DPYD: variants seen among roughly 807,000 people sequenced by gnomAD.
The protein encoded by DPYD is dihydropyrimidine dehydrogenase, also known as dihydropyrimidine dehydrogenase [NADP(+)].
A neutral mutation model predicts 116.2 loss-of-function variants in DPYD; 109 were observed. The ratio of observed to expected loss-of-function variants is 0.94; its 90% CI spans 0.80 to 1.10. DPYD has a LOEUF of 1.10. Ranked by LOEUF, DPYD falls within the 50% of genes least tolerant of loss-of-function variation. The probability of loss-of-function intolerance (pLI) is 0.00; values close to 1 mark genes in which losing one functional copy is unlikely to be tolerated. For synonymous variants in DPYD, 440 were observed against 432.0 expected, an observed-to-expected ratio of 1.02 and a Z score of -0.23; for missense variants, 1,302 against 1,254.5, an observed-to-expected ratio of 1.04 and a Z score of -0.57.
chr1:97,830,037 T>G (rs1669454405), intron 2 of DPYD, among the ~76,000 whole-genome samples: 1 of 152,126 alleles, frequency 6.6e-6, no homozygotes, highest in South Asian at 2.1e-4. Flanking sequence ...CTGAGAATGA[T>G]GGTTTCCAGC....
At chr1:97,589,898 T>C (rs1422327852) in intron 10 of DPYD, among the ~76,000 whole-genome samples, 1 of 152,112 alleles carries the variant, frequency 6.6e-6, no homozygotes, top group Non-Finnish European at 1.5e-5. Flanking sequence ...AGAAACCAAA[T>C]GTGGCTGAAG....
chr1:97,483,682 A>G (rs1281082146), intron 13 of DPYD, among the ~76,000 whole-genome samples: 3 of 152,182 alleles, frequency 2.0e-5, no homozygotes, highest in African/African-American at 7.2e-5. Flanking sequence ...GTGGCTTTTA[A>G]GAGGTGATTA....
intron 15 of DPYD, among the ~76,000 whole-genome samples, chr1:97,382,121 A>G (rs1181094280): frequency 6.6e-6 from 1 of 152,210 alleles, no homozygotes; most frequent in Non-Finnish European, 1.5e-5. Flanking sequence ...TTAACATGCA[A>G]ATAAAGAGTG....
chr1:97,617,793 C>T (rs575213451), intron 8 of DPYD, among the ~76,000 whole-genome samples: 1 of 152,224 alleles, frequency 6.6e-6, no homozygotes, highest in African/African-American at 2.4e-5. Flanking sequence ...CAGACTCCAC[C>T]CCTCTGAGTC....
At chr1:97,400,306 A>T (rs1188455853) in intron 14 of DPYD, among the ~76,000 whole-genome samples, 1 of 152,124 alleles carries the variant, frequency 6.6e-6, no homozygotes. Flanking sequence ...AGCTCACTTG[A>T]TCATGGTGGA....
chr1:97,659,944 C>T (rs866971626), intron 8 of DPYD, among the ~76,000 whole-genome samples: 95 of 152,028 alleles, frequency 6.2e-4, no homozygotes, highest in African/African-American at 1.8e-3. Context: ...CAGGTGAATT[C>T]ATCTTCAACT....
chr1:97,447,644 G>A (rs1342313845), intron 14 of DPYD, among the ~76,000 whole-genome samples: 1 of 151,822 alleles, frequency 6.6e-6, no homozygotes, highest in East Asian at 1.9e-4. Context: ...TATCTCCAGG[G>A]AAACTGAAAA....
chr1:97,426,901 G>A (rs1397307047), intron 14 of DPYD, among the ~76,000 whole-genome samples: 2 of 152,002 alleles, frequency 1.3e-5, no homozygotes, highest in Non-Finnish European at 2.9e-5. Flanking sequence ...AATGATGCAT[G>A]ATTTTTATAA....
chr1:97,851,497 G>A (rs1419015345), intron 2 of DPYD, among the ~76,000 whole-genome samples: 3 of 151,748 alleles, frequency 2.0e-5, no homozygotes, highest in South Asian at 2.1e-4. Context: ...ACAGCATCAC[G>A]GAAATTCAAG....
intron 18 of DPYD, among the ~76,000 whole-genome samples, chr1:97,252,315 A>G (rs1296340481): frequency 6.6e-6 from 1 of 152,204 alleles, no homozygotes; most frequent in Non-Finnish European, 1.5e-5. Context: ...GCTAACTTCC[A>G]TTTGCAAGAA....
intron 8 of DPYD, among the ~76,000 whole-genome samples, chr1:97,645,235 G>C (rs1318277208): frequency 6.6e-6 from 1 of 152,052 alleles, no homozygotes; most frequent in African/African-American, 2.4e-5. Context: ...AGGTGGAATT[G>C]ATGGTTTTAT....
rs1047321478 is a variant in DPYD at position 97,078,918 on chromosome 1, A to C, written c.*58T>G. 8.2e-6 allele frequency: 13 copies of C among 1,576,150 alleles called. No homozygotes were observed. The highest frequency in any genetic ancestry group is 1.0e-5 in the Non-Finnish European group (12 of 1,145,644). On this transcript the variant is annotated 3_prime_UTR_variant, in exon 23 of 23. Coordinates refer to ENST00000370192, the MANE Select transcript of DPYD (RefSeq NM_000110.4). The stretch of plus-strand genomic sequence containing the variant: ...AGCTGAACACAAGGATCATGATTTT[A>C]AAAGATCAGCATATGTAGGTGACAT...
intron 11 of DPYD, among the ~76,000 whole-genome samples, chr1:97,567,462 G>C (rs1342056727): frequency 6.6e-6 from 1 of 152,068 alleles, no homozygotes; most frequent in Non-Finnish European, 1.5e-5. Flanking sequence ...TTCCCAGTGA[G>C]TGAGCAGAAA....
chr1:97,124,758 G>A (rs1652706520), intron 20 of DPYD, among the ~76,000 whole-genome samples: 1 of 152,116 alleles, frequency 6.6e-6, no homozygotes, highest in African/African-American at 2.4e-5. Context: ...AAATATTTGT[G>A]CATCCACACA....
intron 20 of DPYD, among the ~76,000 whole-genome samples, chr1:97,121,798 T>C (rs1353516961): frequency 6.6e-6 from 1 of 152,090 alleles, no homozygotes; most frequent in Non-Finnish European, 1.5e-5. Flanking sequence ...ACCTAGTTGG[T>C]TTGGGCTCGA....
At chr1:97,597,237 C>T (rs1252464469) in intron 8 of DPYD, among the ~76,000 whole-genome samples, 1 of 152,170 alleles carries the variant, frequency 6.6e-6, no homozygotes, top group African/African-American at 2.4e-5. Flanking sequence ...GTTTATTTAG[C>T]CACACCCCAG....
chr1:97,703,161 A>G (rs763647324), intron 5 of DPYD, among the ~76,000 whole-genome samples: 2 of 151,906 alleles, frequency 1.3e-5, no homozygotes, highest in Non-Finnish European at 2.9e-5. Flanking sequence ...TTTTTATTGC[A>G]CTAGGTTTTC....
chr1:97,199,720 T>C (rs1174061779), intron 19 of DPYD, among the ~76,000 whole-genome samples: 1 of 152,148 alleles, frequency 6.6e-6, no homozygotes, highest in African/African-American at 2.4e-5. Context: ...TAACTAGGGC[T>C]AGTCATTTAG....
chr1:97,176,189 T>C (rs1000417879), intron 20 of DPYD, among the ~76,000 whole-genome samples: 18 of 152,132 alleles, frequency 1.2e-4, no homozygotes, highest in African/African-American at 4.3e-4. Flanking sequence ...ATGGAAGAAA[T>C]GAGAAATCAG....
Sources: allele counts gnomAD v4.1 joint callset (sites outside exome capture counted in the v4.1 genomes callset), GRCh38; gene constraint gnomAD v4.1.1; transcripts MANE v1.5; gene names NCBI Gene and HGNC (gene_info 2026-07-23, HGNC 2026-07-21).